Variants in PARVA observed in about 807,000 individuals in gnomAD.
PARVA encodes parvin alpha, also known as alpha-parvin.
Under a neutral mutation model 52.6 loss-of-function variants are expected in PARVA, and 25 were observed. That is an observed-to-expected ratio of 0.48 (90% CI 0.35 to 0.66). The LOEUF (loss-of-function observed/expected upper bound fraction) is 0.66, where lower values mean the gene tolerates loss of function less well. Ranked by LOEUF, PARVA falls within the 30% of genes least tolerant of loss-of-function variation. The pLI is 0.01. For synonymous variants in PARVA, 185 were observed against 179.1 expected (o/e 1.03, Z -0.26); for missense variants, 373 against 450.9 (o/e 0.83, Z 1.56).
intron 1 of PARVA, among the ~76,000 whole-genome samples, chr11:12,462,073 T>A (rs1174549154): frequency 2.0e-5 from 3 of 152,166 alleles, no homozygotes; most frequent in African/African-American, 4.8e-5. Context: ...GGGTGCAGAT[T>A]TTGCATTTTC....
rs1281630045 is a variant in PARVA, at chr11:12,534,381, T to C, written c.*6456T>C. Among the ~76,000 whole-genome samples the C allele has an allele frequency of 6.6e-6, 1 of 152,168 alleles. No homozygotes were observed. Among genetic ancestry groups the C allele is most frequent in the Non-Finnish European group, 1.5e-5 (1 of 68,020 alleles). ...TGATGCTTCTCCTCGGTGGACCCCC[T>C]GGGCTGAGCAGCCTGTGTTCCTGCC... On this transcript the variant is annotated 3_prime_UTR_variant, in exon 13 of 13. Transcript: ENST00000334956.
chr11:12,390,343 A>G (rs1377610473), intron 1 of PARVA, among the ~76,000 whole-genome samples: 1 of 152,160 alleles, frequency 6.6e-6, no homozygotes, highest in Non-Finnish European at 1.5e-5. Context: ...TGTAGTTCTA[A>G]TCACCATGTT....
intron 1 of PARVA, among the ~76,000 whole-genome samples, chr11:12,392,355 G>A (rs1279385272): frequency 2.0e-5 from 3 of 148,072 alleles, no homozygotes; most frequent in Admixed American, 6.9e-5. Context: ...TGCAACCTCC[G>A]CCTCTTGGGT....
intron 12 of PARVA, among the ~76,000 whole-genome samples, chr11:12,525,044 A>G (rs548404129): frequency 5.3e-5 from 8 of 152,306 alleles, no homozygotes; most frequent in Non-Finnish European, 7.4e-5. Flanking sequence ...AGATGTTGTA[A>G]CAGCATAGGC....
intron 3 of PARVA, among the ~76,000 whole-genome samples, chr11:12,476,497 G>C (rs1297620950): frequency 6.7e-6 from 1 of 150,222 alleles, no homozygotes; most frequent in Non-Finnish European, 1.5e-5. Context: ...TGCCTCAAAA[G>C]GAAAAAAAAA....
intron 4 of PARVA, chr11:12,479,057 A>G (rs967015412): frequency 1.3e-5 from 2 of 152,218 alleles, no homozygotes; most frequent in African/African-American, 4.8e-5. Context: ...TGCCTGACAC[A>G]TAGTAGATGC....
rs145440514 is a variant in PARVA, at chr11:12,482,768, C to T, written c.400+4819C>T. ...CAGAAAAGCTTGTGCAGGGGAACTC[C>T]CATTTATAAAACCATCAGATATCGT... On this transcript the variant is annotated intron_variant, in intron 4 of 12. Coordinates refer to ENST00000334956, the MANE Select transcript of PARVA (RefSeq NM_018222.5). Among the ~76,000 whole-genome samples, 379 of 152,268 alleles carry T rather than the reference C, an allele frequency of 2.5e-3. 6 individuals are homozygous for T. The highest frequency in any genetic ancestry group is 8.6e-3 in the African/African-American group (359 of 41,544).
chr11:12,447,554 C>G (rs1182092705), intron 1 of PARVA, among the ~76,000 whole-genome samples: 1 of 152,178 alleles, frequency 6.6e-6, no homozygotes, highest in Non-Finnish European at 1.5e-5. Flanking sequence ...GGGACAGCAG[C>G]TCCCATAAAG....
intron 5 of PARVA, among the ~76,000 whole-genome samples, chr11:12,501,479 AG>A (rs1309110018): frequency 6.6e-6 from 1 of 152,164 alleles, no homozygotes; most frequent in East Asian, 1.9e-4. Context: ...AGCATCACCA[AG>A]GAGAAGACAA....
chr11:12,509,452 T>C (rs1941477778), intron 7 of PARVA, among the ~76,000 whole-genome samples: 1 of 152,154 alleles, frequency 6.6e-6, no homozygotes, highest in Non-Finnish European at 1.5e-5. Flanking sequence ...TGGTCACAGC[T>C]GTGACTTCGT....
At chr11:12,431,975 G>C (rs528378866) in intron 1 of PARVA, among the ~76,000 whole-genome samples, 96 of 152,358 alleles carry the variant, frequency 6.3e-4, no homozygotes, top group African/African-American at 2.2e-3. Flanking sequence ...CACTGGGGTT[G>C]CTTGTCCATT....
At chr11:12,433,621 C>T (rs541203983) in intron 1 of PARVA, among the ~76,000 whole-genome samples, 5 of 152,106 alleles carry the variant, frequency 3.3e-5, no homozygotes, top group African/African-American at 7.2e-5. Context: ...GCAGTTTCAC[C>T]GGCAGCCGGC....
intron 1 of PARVA, among the ~76,000 whole-genome samples, chr11:12,408,587 A>C (rs1406517648): frequency 6.6e-6 from 1 of 152,170 alleles, no homozygotes; most frequent in Non-Finnish European, 1.5e-5. Context: ...TTGGAATCCC[A>C]GCTAACTAGT....
chr11:12,407,707 G>T (rs1045667667), intron 1 of PARVA, among the ~76,000 whole-genome samples: 7 of 152,176 alleles, frequency 4.6e-5, no homozygotes, highest in African/African-American at 1.4e-4. Flanking sequence ...TCTAAGGCCT[G>T]GAAGTATTAG....
chr11:12,452,514 C>T (rs868552037), intron 1 of PARVA, among the ~76,000 whole-genome samples: 3 of 152,196 alleles, frequency 2.0e-5, no homozygotes, highest in Admixed American at 6.5e-5. Flanking sequence ...GCCTTGGGGT[C>T]ACCCAGCTAT....
chr11:12,467,267 G>A (rs1940865162), intron 1 of PARVA, among the ~76,000 whole-genome samples: 1 of 152,152 alleles, frequency 6.6e-6, no homozygotes, highest in Non-Finnish European at 1.5e-5. Flanking sequence ...TAGGGGTGAG[G>A]AGCATTGGTG....
chr11:12,478,156 A>G, intron 4 of PARVA: 2 of 660,128 alleles, frequency 3.0e-6, no homozygotes, highest in Admixed American at 2.1e-5. Flanking sequence ...GGGAGTCTCC[A>G]TGACTAGGTG....
In PARVA at chr11:12,518,530, T is replaced by TTC. The variant is rs755806025; in HGVS notation, c.1042+14_1042+15dup. The TTC allele has an allele frequency of 8.0e-5, 128 of 1,602,682 alleles. No homozygotes were observed. Among genetic ancestry groups the TTC allele is most frequent in the Non-Finnish European group, 1.1e-4 (126 of 1,170,996 alleles). On this transcript the variant is annotated intron_variant, in intron 12 of 12. Coordinates refer to ENST00000334956, the MANE Select transcript of PARVA (RefSeq NM_018222.5). ...CCGCGGCCAGAAGGTACTTTGCTCT[T>TTC]TCCTGGGTTTGTGACAACAGAGTGA...
chr11:12,515,749 G>C (rs535702462), intron 10 of PARVA, among the ~76,000 whole-genome samples: 342 of 152,194 alleles, frequency 2.2e-3, no homozygotes, highest in African/African-American at 7.9e-3. Flanking sequence ...CAGACTCTGG[G>C]GTCTGCTCTC....
Sources: allele counts gnomAD v4.1 joint callset (sites outside exome capture counted in the v4.1 genomes callset), GRCh38; gene constraint gnomAD v4.1.1; transcripts MANE v1.5; gene names NCBI Gene and HGNC (gene_info 2026-07-23, HGNC 2026-07-21).